Variants in PDE10A observed in about 807,000 individuals in gnomAD.
The protein encoded by PDE10A is phosphodiesterase 10A, also known as cAMP and cAMP-inhibited cGMP 3',5'-cyclic phosphodiesterase 10A.
A neutral mutation model predicts 97.7 loss-of-function variants in PDE10A; 39 were observed. The observed-to-expected ratio is 0.40, with a 90% CI of 0.31 to 0.52. The LOEUF (loss-of-function observed/expected upper bound fraction) is 0.52. PDE10A is among the 20% of genes least tolerant of loss of function. The pLI, the probability that PDE10A is intolerant of heterozygous loss-of-function variation, is 0.56. For synonymous variants in PDE10A, 371 were observed against 376.8 expected (o/e 0.98, Z 0.18); for missense variants, 731 against 1,047.8 (o/e 0.70, Z 4.17).
intron 1 of PDE10A, among the ~76,000 whole-genome samples, chr6:165,788,429 A>G (rs1161308702): frequency 6.8e-6 from 1 of 147,694 alleles, no homozygotes; most frequent in African/African-American, 2.5e-5. Context: ...AGGCAGGATA[A>G]TCGCTTGAAC....
chr6:165,895,134 G>T (rs1300372398), intron 1 of PDE10A, among the ~76,000 whole-genome samples: 3 of 152,120 alleles, frequency 2.0e-5, no homozygotes, highest in Non-Finnish European at 1.5e-5. Context: ...GTTGAATTTT[G>T]TCCCTGTAAA....
chr6:165,579,858 T>C (rs1437259841), intron 1 of PDE10A, among the ~76,000 whole-genome samples: 1 of 152,138 alleles, frequency 6.6e-6, no homozygotes, highest in Non-Finnish European at 1.5e-5. Flanking sequence ...AATACTGTTC[T>C]TTCCTCAGGT....
At chr6:165,467,946 T>A (rs1158590910) in intron 3 of PDE10A, among the ~76,000 whole-genome samples, 1 of 152,206 alleles carries the variant, frequency 6.6e-6, no homozygotes, top group Admixed American at 6.5e-5. Context: ...CACCCCAACC[T>A]TCAGCAACCA....
At position 165,600,213 on chromosome 6, in the gene PDE10A, G is replaced by A. The variant is rs141094837; in HGVS notation, c.866-56645C>T. The stretch of plus-strand genomic sequence containing the variant: ...CCACAAACCACAGAAAGACGCACTC[G>A]TTTTTCAGGGCTGCATGCTGGGGAC... On this transcript the variant is annotated intron_variant, in intron 1 of 21. Coordinates refer to ENST00000539869, the MANE Select transcript of PDE10A (RefSeq NM_001385079.1). Among the ~76,000 whole-genome samples, 103 of 152,290 alleles carry A rather than the reference G, an allele frequency of 6.8e-4. No individual in the cohort carries two copies. In the South Asian group the frequency reaches 9.5e-3, roughly 14 times the overall value.
intron 1 of PDE10A, among the ~76,000 whole-genome samples, chr6:165,654,150 C>A (rs1475895396): frequency 6.6e-6 from 1 of 152,226 alleles, no homozygotes; most frequent in African/African-American, 2.4e-5. Context: ...AACATTTACT[C>A]TGCCAGCCCT....
chr6:165,433,182 G>A, intron 6 of PDE10A, 53 bp from the exon 7 acceptor site: 13 of 1,353,034 alleles, frequency 9.6e-6, no homozygotes. Context: ...ATCATTAAGT[G>A]ATGATTCTTA....
At chr6:165,705,520 C>A in intron 1 of PDE10A, among the ~76,000 whole-genome samples, 1 of 152,234 alleles carries the variant, frequency 6.6e-6, no homozygotes, top group East Asian at 1.9e-4. Context: ...CAGGTCTTCA[C>A]AAAATACTGC....
At chr6:165,850,974 C>A (rs1028146519) in intron 1 of PDE10A, among the ~76,000 whole-genome samples, 23 of 152,140 alleles carry the variant, frequency 1.5e-4, no homozygotes, top group African/African-American at 5.1e-4. Context: ...GAGTTTCGAT[C>A]AGACAGTCTT....
chr6:165,760,687 G>T (rs1283224378), intron 1 of PDE10A, among the ~76,000 whole-genome samples: 2 of 152,166 alleles, frequency 1.3e-5, no homozygotes, highest in African/African-American at 4.8e-5. Context: ...CTCCTACATT[G>T]TACCTGGTGT....
chr6:165,783,522 C>G (rs767364577), intron 1 of PDE10A, among the ~76,000 whole-genome samples: 31 of 152,126 alleles, frequency 2.0e-4, no homozygotes, highest in Non-Finnish European at 4.1e-4. Flanking sequence ...TTTGATGATT[C>G]TGTTTTTATT....
chr6:165,782,001 T>C (rs1778354928), intron 1 of PDE10A: 1 of 152,166 alleles, frequency 6.6e-6, no homozygotes, highest in South Asian at 2.1e-4. Flanking sequence ...AGTAAGACAA[T>C]GACCCAGATA....
rs182406475 is a variant in PDE10A at position 165,548,885 on chromosome 6, C to T, written c.866-5317G>A. Among the ~76,000 whole-genome samples, 335 of 152,336 alleles carry T rather than the reference C, an allele frequency of 2.2e-3. 4 individuals carry two copies. The highest frequency in any genetic ancestry group is 7.6e-3 in the African/African-American group (314 of 41,568). ...AATAATGAGTGGATGCAGTAACATT[C>T]TCCCATGGGTAAACAACTAAAAAAT... is the stretch of plus-strand genomic sequence containing the variant. On this transcript the variant is annotated intron_variant, in intron 1 of 21. Transcript: ENST00000539869.
At chr6:165,795,099 TC>T (rs1424804904) in intron 1 of PDE10A, among the ~76,000 whole-genome samples, 1 of 152,210 alleles carries the variant, frequency 6.6e-6, no homozygotes, top group Non-Finnish European at 1.5e-5. Flanking sequence ...ACCCCACTCT[TC>T]CCGGCAATGG....
intron 2 of PDE10A, among the ~76,000 whole-genome samples, chr6:165,485,892 C>T (rs920905268): frequency 2.0e-5 from 3 of 152,178 alleles, no homozygotes; most frequent in East Asian, 1.9e-4. Flanking sequence ...CCGCGCCCGG[C>T]GGAGAGCATC....
intron 1 of PDE10A, among the ~76,000 whole-genome samples, chr6:165,768,744 G>A (rs1288633744): frequency 6.6e-6 from 1 of 152,082 alleles, no homozygotes; most frequent in Non-Finnish European, 1.5e-5. Flanking sequence ...TGTCATTTAA[G>A]GGCATTTAAC....
intron 1 of PDE10A, among the ~76,000 whole-genome samples, chr6:165,863,376 G>A (rs1194112442): frequency 1.3e-5 from 2 of 152,092 alleles, no homozygotes; most frequent in East Asian, 3.9e-4. Flanking sequence ...ATTATTTTTG[G>A]AGCAAAATCC....
chr6:165,331,761 T>C lies in PDE10A; in HGVS notation c.*1264A>G, dbSNP rs1781354401. Reference sequence around the variant, plus strand: ...TTTCGTATTTTTTAAAACACTTACATTGTATAGTAATACTGGTCAACCAAA... The same window carrying C: ...TTTCGTATTTTTTAAAACACTTACACTGTATAGTAATACTGGTCAACCAAA... On this transcript the variant is annotated 3_prime_UTR_variant, in exon 22 of 22. Coordinates refer to ENST00000539869, the MANE Select transcript of PDE10A (RefSeq NM_001385079.1). 6.6e-6 allele frequency: 1 copy of C among 152,234 alleles called. No individual in the cohort carries two copies. Among genetic ancestry groups the C allele is most frequent in the African/African-American group, 2.4e-5 (1 of 41,454 alleles). 9.4% of individuals were successfully genotyped at this position (152,234 alleles called of 1,614,324 possible).
At chr6:165,846,865 G>T (rs776997222) in intron 1 of PDE10A, among the ~76,000 whole-genome samples, 2 of 152,150 alleles carry the variant, frequency 1.3e-5, no homozygotes, top group Non-Finnish European at 2.9e-5. Flanking sequence ...TTCATTTGAG[G>T]GACTGCAGCT....
chr6:165,850,337 C>T (rs973776058), intron 1 of PDE10A, among the ~76,000 whole-genome samples: 2 of 152,150 alleles, frequency 1.3e-5, no homozygotes, highest in African/African-American at 2.4e-5. Flanking sequence ...TTTTGACCTT[C>T]GAAGCCCCCG....
Sources: gnomAD v4.1 joint callset for allele counts (sites outside exome capture counted in the v4.1 genomes callset) on GRCh38, gnomAD v4.1.1 for gene constraint, MANE v1.5 for transcripts, NCBI Gene and HGNC (gene_info 2026-07-23, HGNC 2026-07-21) for gene names.